Variants in SRBD1 observed in about 807,000 individuals in gnomAD.
SRBD1 encodes the protein S1 RNA binding domain 1.
Under a neutral mutation model 115.3 loss-of-function variants are expected in SRBD1, and 88 were observed. The ratio of observed to expected loss-of-function variants is 0.76; its 90% CI spans 0.64 to 0.91. SRBD1 has a LOEUF of 0.91. Among genes scored for constraint, SRBD1 ranks in the 40% least tolerant of loss-of-function variants. The probability of loss-of-function intolerance (pLI) is 0.00; values close to 1 mark genes in which losing one functional copy is unlikely to be tolerated. For synonymous variants in SRBD1, 509 were observed against 407.7 expected, an observed-to-expected ratio of 1.25 and a Z score of -2.99; for missense variants, 1,385 against 1,177.4, an observed-to-expected ratio of 1.18 and a Z score of -2.58.
chr2:45,478,943 T>C lies in SRBD1; in HGVS notation c.1967-1868A>G, dbSNP rs533926588. On this transcript the variant is annotated intron_variant, in intron 15 of 20. Coordinates refer to ENST00000263736, the MANE Select transcript of SRBD1 (RefSeq NM_018079.5). ...AAGTCTATTGGTGCCATTTTTCCAATAGCATGGGCACACTTCTGGTCACTG... is the reference window on the plus strand; with the variant it reads ...AAGTCTATTGGTGCCATTTTTCCAACAGCATGGGCACACTTCTGGTCACTG... Among the ~76,000 whole-genome samples the C allele has an allele frequency of 2.0e-5, 3 of 152,322 alleles. No homozygotes were observed. The East Asian group carries it at 5.8e-4, about 29-fold the overall frequency.
At chr2:45,503,865 G>C (rs1670715278) in intron 14 of SRBD1, among the ~76,000 whole-genome samples, 1 of 152,090 alleles carries the variant, frequency 6.6e-6, no homozygotes, top group South Asian at 2.1e-4. Flanking sequence ...TATAACCTAA[G>C]ACATATATTC....
At chr2:45,552,259 G>A (rs1672325333) in intron 11 of SRBD1, among the ~76,000 whole-genome samples, 1 of 152,170 alleles carries the variant, frequency 6.6e-6, no homozygotes, top group African/African-American at 2.4e-5. Flanking sequence ...CTGCTATTCA[G>A]GTTAAGTATT....
At chr2:45,532,119 T>A (rs994448924) in intron 14 of SRBD1, among the ~76,000 whole-genome samples, 3 of 151,598 alleles carry the variant, frequency 2.0e-5, no homozygotes, top group Non-Finnish European at 3.0e-5. Flanking sequence ...AACTTCTCAT[T>A]TACTCTCTTC....
chr2:45,459,344 C>G (rs1379455372), intron 16 of SRBD1, among the ~76,000 whole-genome samples: 1 of 152,164 alleles, frequency 6.6e-6, no homozygotes, highest in East Asian at 1.9e-4. Context: ...CCTTCACTTC[C>G]TCATTCCTGG....
At chr2:45,571,107 T>C (rs763152379) in intron 9 of SRBD1, among the ~76,000 whole-genome samples, 1 of 152,110 alleles carries the variant, frequency 6.6e-6, no homozygotes, top group Non-Finnish European at 1.5e-5. Flanking sequence ...CCTTAAGCTT[T>C]CACCTCTAGA....
At chr2:45,495,696 G>T (rs1010629316) in intron 14 of SRBD1, among the ~76,000 whole-genome samples, 1 of 152,148 alleles carries the variant, frequency 6.6e-6, no homozygotes, top group African/African-American at 2.4e-5. Context: ...GCAAGGGCCT[G>T]GTTGATACTG....
intron 4 of SRBD1, among the ~76,000 whole-genome samples, chr2:45,589,864 A>G (rs1673663073): frequency 6.6e-6 from 1 of 152,242 alleles, no homozygotes; most frequent in Admixed American, 6.5e-5. Context: ...GCCTCTTCTC[A>G]AGGAGCTAAC....
intron 19 of SRBD1, among the ~76,000 whole-genome samples, chr2:45,406,561 A>G (rs1342445716): frequency 6.6e-6 from 1 of 152,166 alleles, no homozygotes. Flanking sequence ...CTCTAGGATG[A>G]ACACGCTACT....
intron 16 of SRBD1, among the ~76,000 whole-genome samples, chr2:45,434,767 TTTTC>T (rs1668438329): frequency 6.6e-6 from 1 of 150,594 alleles, no homozygotes; most frequent in Non-Finnish European, 1.5e-5. Flanking sequence ...TTTGCATTTT[TTTTC>T]TTTTTTTTTT....
intron 1 of SRBD1, among the ~76,000 whole-genome samples, chr2:45,607,619 A>C (rs1445606933): frequency 6.6e-6 from 1 of 152,104 alleles, no homozygotes; most frequent in Non-Finnish European, 1.5e-5. Flanking sequence ...TTTACCCTGC[A>C]GTATTCTAAA....
chr2:45,502,347 T>C (rs189966644), intron 14 of SRBD1, among the ~76,000 whole-genome samples: 2 of 152,332 alleles, frequency 1.3e-5, no homozygotes, highest in East Asian at 3.9e-4. Context: ...ACCCAAAGGA[T>C]TATAAATCAT....
intron 15 of SRBD1, among the ~76,000 whole-genome samples, chr2:45,480,733 G>C (rs914404735): frequency 1.3e-5 from 2 of 151,870 alleles, no homozygotes; most frequent in Non-Finnish European, 2.9e-5. Flanking sequence ...GGAATGGATA[G>C]TATGGACTTC....
chr2:45,399,263 T>A (rs1022108642), intron 19 of SRBD1, among the ~76,000 whole-genome samples: 4 of 152,176 alleles, frequency 2.6e-5, no homozygotes, highest in Non-Finnish European at 5.9e-5. Context: ...CATACTCAGC[T>A]TTATTCAATA....
chr2:45,409,076 G>A (rs936348632), intron 19 of SRBD1, among the ~76,000 whole-genome samples: 36 of 151,986 alleles, frequency 2.4e-4, no homozygotes, highest in Admixed American at 1.7e-3. Flanking sequence ...AAAATTAGCC[G>A]GGCATGGTGG....
intron 19 of SRBD1, among the ~76,000 whole-genome samples, chr2:45,406,843 G>T (rs939565926): frequency 2.6e-5 from 4 of 151,488 alleles, no homozygotes; most frequent in Admixed American, 2.6e-4. Flanking sequence ...TGATGATAGA[G>T]TAACACTCAA....
intron 4 of SRBD1, 90 bp from the exon 5 acceptor site, chr2:45,585,864 C>A: frequency 9.4e-7 from 1 of 1,067,084 alleles, no homozygotes; most frequent in Non-Finnish European, 1.3e-6. Flanking sequence ...AAATAATGTT[C>A]TCCAGTGACT....
intron 15 of SRBD1, among the ~76,000 whole-genome samples, chr2:45,481,747 T>C (rs1446285037): frequency 6.6e-6 from 1 of 152,130 alleles, no homozygotes; most frequent in African/African-American, 2.4e-5. Flanking sequence ...CAAAATGTTG[T>C]ATACCCATAC....
At chr2:45,479,885 G>A (rs540760796) in intron 15 of SRBD1, among the ~76,000 whole-genome samples, 1 of 152,304 alleles carries the variant, frequency 6.6e-6, no homozygotes, top group Non-Finnish European at 1.5e-5. Flanking sequence ...CATTTTATTA[G>A]AGGGGAATGC....
chr2:45,553,687 A>C lies in SRBD1; in HGVS notation c.1453T>G (p.Leu485Val). The stretch of plus-strand genomic sequence containing the variant: ...AAGGAATCATTCAGTGAATTATATA[A>C]GATCTTCATTAACTCTGGCCTTGCA... ...SFARPELMKI[L>V]YNSLNDSFKR... is the part of the protein sequence containing the mutation. The change falls in exon 11 of 21, where the codon TTA (leucine) becomes GTA (valine). Residue 485 changes from leucine to valine, a missense_variant. Leu to Val is a conservative substitution (Grantham distance 32). Transcript: ENST00000263736. 1.9e-6 allele frequency: 3 copies of C among 1,608,910 alleles called. No homozygotes were observed. The highest frequency in any genetic ancestry group is 2.5e-6 in the Non-Finnish European group (3 of 1,177,808).
Sources: gnomAD v4.1 joint callset for allele counts (sites outside exome capture counted in the v4.1 genomes callset) on GRCh38, gnomAD v4.1.1 for gene constraint, MANE v1.5 for transcripts, NCBI Gene and HGNC (gene_info 2026-07-23, HGNC 2026-07-21) for gene names.